FDX2: variants seen among roughly 807,000 people sequenced by gnomAD.
FDX2 encodes ferredoxin-2, mitochondrial.
A neutral mutation model predicts 18.5 loss-of-function variants in FDX2; 13 were observed. The ratio of observed to expected loss-of-function variants is 0.70; its 90% CI spans 0.46 to 1.12. The LOEUF (loss-of-function observed/expected upper bound fraction) is 1.12, where lower values mean the gene tolerates loss of function less well. FDX2 is among the 50% of genes most tolerant of loss of function. The probability of loss-of-function intolerance (pLI) is 0.00; values close to 1 mark genes in which losing one functional copy is unlikely to be tolerated. For missense variants in FDX2, 238 were observed against 250.4 expected (o/e 0.95, Z 0.34); for synonymous variants, 132 against 106.2 (o/e 1.24, Z -1.49).
At chr19:10,311,490 C>T (rs12462532) in intron 3 of FDX2, among the ~76,000 whole-genome samples, 22,654 of 151,260 alleles carry the variant, frequency 0.15, 1,969 homozygotes, top group Admixed American at 0.27. Flanking sequence ...CTCTGCCTCC[C>T]GGGTTCACGC....
intron 3 of FDX2, among the ~76,000 whole-genome samples, chr19:10,311,396 A>ATTTTTTTTTTTTTTTTT (rs34974235): frequency 7.0e-6 from 1 of 143,438 alleles, no homozygotes; most frequent in Non-Finnish European, 1.5e-5. Flanking sequence ...AGGCATTAGG[A>ATTTTTTTTTTTTTTTTT]TTTTGTTTTT....
chr19:10,310,611 G>C lies in FDX2; in HGVS notation c.436C>G (p.Leu146Val), dbSNP rs1230393261. 3.1e-6 allele frequency: 5 copies of C among 1,613,972 alleles called. No homozygotes were observed. Among genetic ancestry groups the C allele is most frequent in the Non-Finnish European group, 4.2e-6 (5 of 1,180,008 alleles). ...CAGCCCAGCCGCGAGTTCTCCTGGA[G>C]GAGGGGGGCCATGTCTAGCATGTCG... The change falls in exon 5 of 5, where the codon CTC (leucine) becomes GTC (valine). Residue 146 changes from leucine to valine, a missense_variant. Transcript: ENST00000393708.
Position 10,310,297 on chromosome 19 carries a change from C to T in FDX2, c.*189G>A, listed in dbSNP as rs1599290073. On this transcript the variant is annotated 3_prime_UTR_variant, in exon 5 of 5. Coordinates refer to ENST00000393708, the MANE Select transcript of FDX2 (RefSeq NM_001031734.4). ...ATTCTCAGGGGCCTGGGGAAGGCCA[C>T]CCCACTAGGGGCCCTGTCCCCACCA... 1.3e-6 allele frequency: 1 copy of T among 784,724 alleles called. No individual in the cohort carries two copies. Among genetic ancestry groups the T allele is most frequent in the Non-Finnish European group, 2.0e-6 (1 of 504,604 alleles). The allele number at this position is 784,724 out of a possible 1,614,324, so 48.6% of individuals were successfully genotyped here. A position where few individuals can be genotyped will look rare whatever the true frequency, so the allele number is the denominator to read the frequency against.
Position 10,310,244 on chromosome 19 carries a change from A to G in FDX2, c.*242T>C, listed in dbSNP as rs1199939822. 1.8e-6 allele frequency: 1 copy of G among 563,970 alleles called. No individual in the cohort carries two copies. The highest frequency in any genetic ancestry group is 3.2e-6 in the Non-Finnish European group (1 of 316,828). The allele number at this position is 563,970 out of a possible 1,614,324, so 34.9% of individuals were successfully genotyped here. A position where few individuals can be genotyped will look rare whatever the true frequency, so the allele number is the denominator to read the frequency against. On this transcript the variant is annotated 3_prime_UTR_variant, in exon 5 of 5. Transcript: ENST00000393708. ...GTGTTATCGATTTATTGCAGCTCCA[A>G]TATGAGTCCACTCCTACTCAAACCC...
Position 10,310,554 on chromosome 19 carries a change from C to T in FDX2, c.493G>A (p.Ala165Thr). 6.2e-7 allele frequency: 1 copy of T among 1,614,160 alleles called. No individual in the cohort carries two copies. Among genetic ancestry groups the T allele is most frequent in the Non-Finnish European group, 8.5e-7 (1 of 1,180,026 alleles). ...GTGATCTTGGGCAGGGTGAATTCCGCTCCTTCCAGCTCCGGTGTCAGCACA... is the reference window on the plus strand; with the variant it reads ...GTGATCTTGGGCAGGGTGAATTCCGTTCCTTCCAGCTCCGGTGTCAGCACA... Residue 165 changes from alanine (A) to threonine (T), a missense_variant, in exon 5 of 5, where the codon GCG (alanine) becomes ACG (threonine). Ala to Thr is a moderately conservative substitution (Grantham distance 58). Transcript: ENST00000393708.
rs770684016 is a variant in FDX2 at position 10,315,887 on chromosome 19, A to AC, written c.118dup (p.Val40GlyfsTer70). 2.9e-5 allele frequency: 33 copies of AC among 1,150,024 alleles called. No individual in the cohort carries two copies. Among genetic ancestry groups the AC allele is most frequent in the East Asian group, 1.9e-4 (6 of 31,270 alleles). The allele number at this position is 1,150,024 out of a possible 1,614,324, so 71.2% of individuals were successfully genotyped here. A position where few individuals can be genotyped will look rare whatever the true frequency, so the allele number is the denominator to read the frequency against. On this transcript the variant is annotated frameshift_variant, in exon 1 of 5. Transcript: ENST00000393708. LOFTEE classifies it high-confidence loss of function. ...AAACTTTCTGGTTGTCCCCAGCGCC[A>AC]CCCCCTCCCCCGACCCGGAAGTGCC... is the stretch of plus-strand genomic sequence containing the variant.
At chr19:10,313,199 T>C (rs12983510) in intron 3 of FDX2, among the ~76,000 whole-genome samples, 32,678 of 152,060 alleles carry the variant, frequency 0.21, 3,827 homozygotes, top group Admixed American at 0.33. Flanking sequence ...GACTATTGGC[T>C]GCTGGATTCC....
Position 10,315,698 on chromosome 19 carries a change from C to T in FDX2, c.209+7G>A, listed in dbSNP as rs1326641687. ...GAGGAATGGGGGACTTGGCCCCCTGCACTCACACGTCCCCGGGCCGCTCCG... is the reference window on the plus strand; with the variant it reads ...GAGGAATGGGGGACTTGGCCCCCTGTACTCACACGTCCCCGGGCCGCTCCG... On this transcript the variant is annotated splice_region_variant and intron_variant, in intron 2 of 4. Transcript: ENST00000393708. 6.5e-7 allele frequency: 1 copy of T among 1,548,710 alleles called. No individual in the cohort carries two copies. The highest frequency in any genetic ancestry group is 1.4e-5 in the African/African-American group (1 of 73,008).
At chr19:10,314,570 G>C (rs1839062944) in intron 3 of FDX2, among the ~76,000 whole-genome samples, 1 of 145,180 alleles carries the variant, frequency 6.9e-6, no homozygotes. Context: ...TCCGTCTCTT[G>C]AAAAAAAAAA....
chr19:10,310,405 T>C lies in FDX2; in HGVS notation c.*81A>G, dbSNP rs375036808. On this transcript the variant is annotated 3_prime_UTR_variant, in exon 5 of 5. Coordinates refer to ENST00000393708, the MANE Select transcript of FDX2 (RefSeq NM_001031734.4). Reference sequence around the variant, plus strand: ...ACGTCTCTCCCGGGCCTGTCCGCACTCTGGGCAGGGCTGGCACCTGGCTAT... The same window carrying C: ...ACGTCTCTCCCGGGCCTGTCCGCACCCTGGGCAGGGCTGGCACCTGGCTAT... 1.3e-6 allele frequency: 2 copies of C among 1,589,822 alleles called. No individual in the cohort carries two copies.
rs1212093756 is a variant in FDX2 at position 10,315,479 on chromosome 19, A to C, written c.223T>G (p.Phe75Val). The change falls in exon 3 of 5, where the codon TTC becomes GTC. Residue 75 changes from phenylalanine (F) to valine (V), a missense_variant. Phe to Val is a conservative substitution (Grantham distance 50). Coordinates refer to ENST00000393708, the MANE Select transcript of FDX2 (RefSeq NM_001031734.4). ...ATCCGCTGGCCTGAGCGGTCTACGA[A>C]CACCACGTTCACCCTGGGGACAGAT... 1 of 1,613,706 alleles carries C rather than the reference A, an allele frequency of 6.2e-7. No individual in the cohort carries two copies.
rs1464247091 is a variant in FDX2, at chr19:10,310,499, G to C, written c.548C>G (p.Pro183Arg). Residue 183 changes from proline to arginine, a missense_variant, in exon 5 of 5, where the codon CCC becomes CGC. Transcript: ENST00000393708. ...CAGGTGTTCATGTCAGTGGGGCTTGGGGACATGGCCATCCACGTAGAAGTT... is the reference window on the plus strand; with the variant it reads ...CAGGTGTTCATGTCAGTGGGGCTTGCGGACATGGCCATCCACGTAGAAGTT... 2.6e-5 allele frequency: 42 copies of C among 1,614,170 alleles called. No homozygotes were observed. Among genetic ancestry groups the C allele is most frequent in the Non-Finnish European group, 3.3e-5 (39 of 1,180,026 alleles).
Position 10,310,275 on chromosome 19 carries a change from C to A in FDX2, c.*211G>T. On this transcript the variant is annotated 3_prime_UTR_variant, in exon 5 of 5. Coordinates refer to ENST00000393708, the MANE Select transcript of FDX2 (RefSeq NM_001031734.4). ...GTCCACTCCTACTCAAACCCTGATT[C>A]TCAGGGGCCTGGGGAAGGCCACCCC... is the stretch of plus-strand genomic sequence containing the variant. 1.6e-6 allele frequency: 1 copy of A among 625,426 alleles called. No individual in the cohort carries two copies. Among genetic ancestry groups the A allele is most frequent in the South Asian group, 2.0e-5 (1 of 49,154 alleles). The allele number at this position is 625,426 out of a possible 1,614,324, so 38.7% of individuals were successfully genotyped here. A position where few individuals can be genotyped will look rare whatever the true frequency, so the allele number is the denominator to read the frequency against.
chr19:10,312,299 G>A (rs981633348), intron 3 of FDX2, among the ~76,000 whole-genome samples: 1 of 148,684 alleles, frequency 6.7e-6, no homozygotes, highest in African/African-American at 2.5e-5. Context: ...ACAGGCATAT[G>A]CCACTGCACC....
chr19:10,311,866 ATTTTT>A (rs34531286), intron 3 of FDX2, among the ~76,000 whole-genome samples: 1 of 97,276 alleles, frequency 1.0e-5, no homozygotes. Context: ...CACCTGGCTA[ATTTTT>A]TTTTTTTTTT....
At chr19:10,312,547 C>T (rs2040335149) in intron 3 of FDX2, among the ~76,000 whole-genome samples, 1 of 151,774 alleles carries the variant, frequency 6.6e-6, no homozygotes, top group Middle Eastern at 3.2e-3. Context: ...TAATTTTTTT[C>T]TTAGAGATGG....
Position 10,310,142 on chromosome 19 carries a change from A to G in FDX2, c.*344T>C, listed in dbSNP as rs1419735876. On this transcript the variant is annotated 3_prime_UTR_variant, in exon 5 of 5. Coordinates refer to ENST00000393708, the MANE Select transcript of FDX2 (RefSeq NM_001031734.4). ...GTGATCCTCCCATCTTGGCTTCCCA[A>G]AGTGCTAGGATTACAGGTGTGAGCC... 3.9e-6 allele frequency: 1 copy of G among 257,694 alleles called. No homozygotes were observed. The highest frequency in any genetic ancestry group is 2.2e-5 in the African/African-American group (1 of 45,200). The allele number at this position is 257,694 out of a possible 1,614,324, so 16.0% of individuals were successfully genotyped here.
chr19:10,310,296 A>G lies in FDX2; in HGVS notation c.*190T>C. 1.3e-6 allele frequency: 1 copy of G among 761,296 alleles called. No individual in the cohort carries two copies. Among genetic ancestry groups the G allele is most frequent in the Non-Finnish European group, 2.1e-6 (1 of 483,854 alleles). 47.2% of individuals were successfully genotyped at this position (761,296 alleles called of 1,614,324 possible). On this transcript the variant is annotated 3_prime_UTR_variant, in exon 5 of 5. Coordinates refer to ENST00000393708, the MANE Select transcript of FDX2 (RefSeq NM_001031734.4). ...GATTCTCAGGGGCCTGGGGAAGGCC[A>G]CCCCACTAGGGGCCCTGTCCCCACC...
In FDX2 at chr19:10,315,764, A is replaced by G. The variant is rs2040377107; in HGVS notation, c.155-5T>C. On this transcript the variant is annotated splice_polypyrimidine_tract_variant and splice_region_variant and intron_variant, in intron 1 of 4. Coordinates refer to ENST00000393708, the MANE Select transcript of FDX2 (RefSeq NM_001031734.4). The stretch of plus-strand genomic sequence containing the variant: ...CCTCTCCAGCCGGGCGCGAGCCTGG[A>G]AAACACGGTTCGGTGAGCGGCTGCG... 3 of 1,601,304 alleles carry G rather than the reference A, an allele frequency of 1.9e-6. No individual in the cohort carries two copies. In the African/African-American group the frequency reaches 4.0e-5, roughly 21 times the overall value.
Sources: gnomAD v4.1 joint callset for allele counts (sites outside exome capture counted in the v4.1 genomes callset) on GRCh38, gnomAD v4.1.1 for gene constraint, MANE v1.5 for transcripts, NCBI Gene and HGNC (gene_info 2026-07-23, HGNC 2026-07-21) for gene names.